RSPH14: variants seen among roughly 807,000 people sequenced by gnomAD.
RSPH14 encodes radial spoke head 14 homolog.
In RSPH14, 20 loss-of-function variants were observed where a neutral mutation model predicts 26.7. The ratio of observed to expected loss-of-function variants is 0.75; its 90% CI spans 0.53 to 1.09. The LOEUF (loss-of-function observed/expected upper bound fraction) is 1.09. RSPH14 is among the 50% of genes least tolerant of loss of function. The probability of loss-of-function intolerance (pLI) is 0.00; values close to 1 mark genes in which losing one functional copy is unlikely to be tolerated. For missense variants in RSPH14, 449 were observed against 457.2 expected (o/e 0.98, Z 0.16); for synonymous variants, 177 against 189.3 (o/e 0.93, Z 0.53).
At chr22:23,137,951 C>A (rs1461297729) in intron 3 of RSPH14, 2 of 153,224 alleles carry the variant, frequency 1.3e-5, no homozygotes, top group Non-Finnish European at 2.9e-5. Flanking sequence ...CTCCAACCAC[C>A]CTCACCCTGT....
In RSPH14 at chr22:23,064,033, T is replaced by A. The variant is rs374399254; in HGVS notation, c.522A>T (p.Thr174=). The A allele has an allele frequency of 3.7e-6, 6 of 1,614,048 alleles. No individual in the cohort carries two copies. Among genetic ancestry groups the A allele is most frequent in the Admixed American group, 1.7e-5 (1 of 60,010 alleles). ...EEEFQEFILD[T]LVLCLQEDAT... is the part of the protein sequence containing the mutation. The stretch of plus-strand genomic sequence containing the variant: ...CATCCTCCTGCAGGCAGAGGACCAG[T>A]GTGTCCAGGATGAACTCCTGGAACT... The change falls in exon 5 of 7, where the codon ACA becomes ACT. Residue 174 remains threonine, a synonymous_variant. Transcript: ENST00000216036.
In RSPH14 at chr22:23,134,548, CAAAAAAAAAAAAA is replaced by C. The variant is rs59412175; in HGVS notation, c.303-417_303-405del. ...TCAAAATTGAGCCCCAACTCCCAAC[CAAAAAAAAAAAAA>C]AAAAAAAAAAAGGAGATGATTGGCT... On this transcript the variant is annotated intron_variant, in intron 3 of 6. Coordinates refer to ENST00000216036, the MANE Select transcript of RSPH14 (RefSeq NM_014433.3). Among the ~76,000 whole-genome samples, 34 of 86,140 alleles carry C rather than the reference CAAAAAAAAAAAAA, an allele frequency of 3.9e-4. 1 individual carries two copies. In the South Asian group the frequency reaches 0.013, roughly 32 times the overall value. The allele number at this position is 86,140 out of a possible 152,430, so 56.5% of individuals were successfully genotyped here.
intron 4 of RSPH14, among the ~76,000 whole-genome samples, chr22:23,104,654 G>A (rs2146341748): frequency 6.6e-6 from 1 of 152,234 alleles, no homozygotes; most frequent in East Asian, 1.9e-4. Context: ...ACTCCAAGGT[G>A]GAGGCTAAGA....
intron 4 of RSPH14, among the ~76,000 whole-genome samples, chr22:23,076,606 A>G (rs1179862516): frequency 6.6e-6 from 1 of 152,244 alleles, no homozygotes; most frequent in African/African-American, 2.4e-5. Context: ...AGCCAGAGGC[A>G]GGTGGACAGA....
At chr22:23,130,496 A>AAAAG (rs1555939817) in intron 4 of RSPH14, among the ~76,000 whole-genome samples, 1,667 of 110,758 alleles carry the variant, frequency 0.015, 96 homozygotes, top group Non-Finnish European at 0.023. Context: ...GAAGGAAAGA[A>AAAAG]AAAGAAAGAA....
chr22:23,146,713 C>T (rs1311402571), upstream of RSPH14: 3 of 1,610,878 alleles, frequency 1.9e-6, no homozygotes, highest in East Asian at 4.5e-5. Flanking sequence ...CTGCAGTGCT[C>T]TCCTGGCCCT....
At chr22:23,110,792 G>A (rs1424481707) in intron 4 of RSPH14, among the ~76,000 whole-genome samples, 2 of 152,214 alleles carry the variant, frequency 1.3e-5, no homozygotes, top group Admixed American at 6.5e-5. Flanking sequence ...GCTGGCCTGG[G>A]AGGCAGCTGT....
chr22:23,138,435 C>A (rs1485631609), intron 3 of RSPH14, among the ~76,000 whole-genome samples: 3 of 152,094 alleles, frequency 2.0e-5, no homozygotes, highest in Non-Finnish European at 1.5e-5. Flanking sequence ...ATGACACATG[C>A]CTGTAGTCCC....
At chr22:23,118,133 A>T (rs2069903930) in intron 4 of RSPH14, among the ~76,000 whole-genome samples, 1 of 152,134 alleles carries the variant, frequency 6.6e-6, no homozygotes, top group South Asian at 2.1e-4. Flanking sequence ...GTCTATTTGG[A>T]CCTGTCTGAG....
At position 23,096,460 on chromosome 22, in the gene RSPH14, C is replaced by A; in HGVS notation, c.422-32327G>T. ...GTTTTCCTCTGCTTGTTCCTGCTGTCGTGGGTTCCTGGAAGCAAGAGGACT... is the reference window on the plus strand; with the variant it reads ...GTTTTCCTCTGCTTGTTCCTGCTGTAGTGGGTTCCTGGAAGCAAGAGGACT... On this transcript the variant is annotated intron_variant, in intron 4 of 6. Transcript: ENST00000216036. The A allele has an allele frequency of 1.9e-6, 3 of 1,558,766 alleles. No individual in the cohort carries two copies. The South Asian group carries it at 3.6e-5, about 19-fold the overall frequency.
chr22:23,064,168 G>A (rs755901023), intron 4 of RSPH14, 35 bp from the exon 5 acceptor site: 2 of 1,595,034 alleles, frequency 1.3e-6, no homozygotes, highest in African/African-American at 2.7e-5. Flanking sequence ...GGGCGGGCTG[G>A]CCACACACCC....
chr22:23,161,078 G>A, the RSPH14 span: 3 of 1,503,408 alleles, frequency 2.0e-6, no homozygotes, highest in Non-Finnish European at 2.7e-6. Flanking sequence ...CGTCACCTGA[G>A]GCCTTGCCAT....
chr22:23,162,166 C>T, the RSPH14 span: 2 of 175,240 alleles, frequency 1.1e-5, no homozygotes, highest in African/African-American at 2.4e-5. Flanking sequence ...CAGACCAGCA[C>T]CTCTGGAGGA....
chr22:23,141,054 G>A (rs915155965), intron 1 of RSPH14, among the ~76,000 whole-genome samples: 8 of 152,310 alleles, frequency 5.3e-5, no homozygotes, highest in Middle Eastern at 3.4e-3. Flanking sequence ...TTATGGCCAC[G>A]CGCAGTGGCT....
At chr22:23,161,585 C>T in the RSPH14 span, 1 of 1,570,826 alleles carries the variant, frequency 6.4e-7, no homozygotes, top group South Asian at 1.1e-5. Flanking sequence ...CGTGGAAGGC[C>T]TCCGCTCCCT....
intron 4 of RSPH14, among the ~76,000 whole-genome samples, chr22:23,102,287 C>G (rs1013834326): frequency 1.3e-5 from 2 of 152,222 alleles, no homozygotes; most frequent in Admixed American, 6.5e-5. Flanking sequence ...GATGCTGGCT[C>G]AAGCCCAAGA....
intron 4 of RSPH14, among the ~76,000 whole-genome samples, chr22:23,078,910 G>A (rs1029005131): frequency 2.6e-5 from 4 of 152,214 alleles, no homozygotes; most frequent in Admixed American, 2.0e-4. Context: ...CCAGGTGGGC[G>A]GGGGCTGTGC....
chr22:23,147,878 A>G (rs1179232784), upstream of RSPH14, among the ~76,000 whole-genome samples: 1 of 152,262 alleles, frequency 6.6e-6, no homozygotes, highest in Non-Finnish European at 1.5e-5. Flanking sequence ...AATGCAGGGC[A>G]TGGAACAGAG....
intron 6 of RSPH14, 84 bp downstream of exon 6, chr22:23,061,725 T>A: frequency 6.6e-7 from 1 of 1,505,304 alleles, no homozygotes; most frequent in Non-Finnish European, 9.1e-7. Flanking sequence ...TGGGGGACGA[T>A]ACCCAGCCCC....
Sources: gnomAD v4.1 joint callset for allele counts (sites outside exome capture counted in the v4.1 genomes callset) on GRCh38, gnomAD v4.1.1 for gene constraint, MANE v1.5 for transcripts, NCBI Gene and HGNC (gene_info 2026-07-23, HGNC 2026-07-21) for gene names.